UBE2QL1: variants seen among roughly 807,000 people sequenced by gnomAD.
UBE2QL1 encodes ubiquitin conjugating enzyme E2 QL1, also known as ubiquitin-conjugating enzyme E2Q-like protein 1.
UBE2QL1 carries 5 observed loss-of-function variants against 12.6 expected under a neutral mutation model. That is an observed-to-expected ratio of 0.40 (90% CI 0.21 to 0.83). The LOEUF is 0.83. Ranked by LOEUF, UBE2QL1 falls within the 40% of genes least tolerant of loss-of-function variation. The probability of loss-of-function intolerance (pLI) is 0.37; values close to 1 mark genes in which losing one functional copy is unlikely to be tolerated. For synonymous variants in UBE2QL1, 96 were observed against 94.5 expected (o/e 1.02, Z -0.10); for missense variants, 99 against 222.6 (o/e 0.44, Z 3.53).
At position 6,493,554 on chromosome 5, in the gene UBE2QL1, C is replaced by T. The variant is rs1734617641; in HGVS notation, c.*2205C>T. 1 of 152,200 alleles carries T rather than the reference C, an allele frequency of 6.6e-6. No individual in the cohort carries two copies. Among genetic ancestry groups the T allele is most frequent in the Non-Finnish European group, 1.5e-5 (1 of 68,036 alleles). 9.4% of individuals were successfully genotyped at this position (152,200 alleles called of 1,614,324 possible). On this transcript the variant is annotated 3_prime_UTR_variant, in exon 2 of 2. Transcript: ENST00000399816. Reference sequence around the variant, plus strand: ...CAGCCGGCGACAGAGCAGAGAGACACTCAGCTCAGTGTCGCTCCTTCCATA... The same window carrying T: ...CAGCCGGCGACAGAGCAGAGAGACATTCAGCTCAGTGTCGCTCCTTCCATA...
At chr5:6,488,410 G>A (rs1734504709) in intron 1 of UBE2QL1, among the ~76,000 whole-genome samples, 1 of 150,960 alleles carries the variant, frequency 6.6e-6, no homozygotes, top group Non-Finnish European at 1.5e-5. Context: ...TAGATTTTCA[G>A]TATTGTGGAG....
At chr5:6,474,294 G>A (rs910127693) in intron 1 of UBE2QL1, among the ~76,000 whole-genome samples, 4 of 152,254 alleles carry the variant, frequency 2.6e-5, no homozygotes, top group African/African-American at 7.2e-5. Context: ...CCAGGAGTAC[G>A]TGCATGGCAT....
chr5:6,461,946 G>T (rs913489341), intron 1 of UBE2QL1, among the ~76,000 whole-genome samples: 1 of 152,088 alleles, frequency 6.6e-6, no homozygotes, highest in African/African-American at 2.4e-5. Context: ...CTCAGCCCTC[G>T]GCGTCCCCAG....
In UBE2QL1 at chr5:6,449,196, C is replaced by A; in HGVS notation, c.303C>A (p.Tyr101Ter). 1 of 1,497,564 alleles carries A rather than the reference C, an allele frequency of 6.7e-7. No homozygotes were observed. The highest frequency in any genetic ancestry group is 1.3e-5 in the South Asian group (1 of 79,848). 92.8% of individuals were successfully genotyped at this position (1,497,564 alleles called of 1,614,324 possible). A position where few individuals can be genotyped will look rare whatever the true frequency, so the allele number is the denominator to read the frequency against. ...CGCCGCGCGGCTGGTCCAGCGCCTA[C>A]ACCGTGGAGGCCGTCATGCGCCAGT... ...LLTPRGWSSA[Y>*]TVEAVMRQFA... Residue 101 changes from tyrosine (Y) to a stop codon, truncating the protein, a stop_gained, in exon 1 of 2, where the codon TAC (tyrosine) becomes TAA (stop). Transcript: ENST00000399816. LOFTEE classifies it high-confidence loss of function.
intron 1 of UBE2QL1, among the ~76,000 whole-genome samples, chr5:6,485,568 A>G (rs1734449581): frequency 6.6e-6 from 1 of 152,216 alleles, no homozygotes; most frequent in African/African-American, 2.4e-5. Context: ...ACACGTTTAC[A>G]ACCCATGTCA....
At chr5:6,456,852 C>A (rs1165765904) in intron 1 of UBE2QL1, among the ~76,000 whole-genome samples, 3 of 152,056 alleles carry the variant, frequency 2.0e-5, no homozygotes, top group Non-Finnish European at 4.4e-5. Context: ...GAAGAAGCTG[C>A]CCGACCTTGC....
rs530163684 is a variant in UBE2QL1 at position 6,459,578 on chromosome 5, A to G, written c.354+10331A>G. On this transcript the variant is annotated intron_variant, in intron 1 of 1. Transcript: ENST00000399816. ...TTTCGTTGCACAAAACAAAATGCATAGGATTTCAAAGGAAGCCAATTATAT... is the reference window on the plus strand; with the variant it reads ...TTTCGTTGCACAAAACAAAATGCATGGGATTTCAAAGGAAGCCAATTATAT... Among the ~76,000 whole-genome samples the G allele has an allele frequency of 4.6e-3, 694 of 152,348 alleles. 5 individuals carry two copies. The highest frequency in any genetic ancestry group is 7.4e-3 in the Non-Finnish European group (502 of 68,026).
chr5:6,491,560 A>G lies in UBE2QL1; in HGVS notation c.*211A>G, dbSNP rs191339192. 1.7e-5 allele frequency: 9 copies of G among 520,980 alleles called. No individual in the cohort carries two copies. In the East Asian group the frequency reaches 3.4e-4, roughly 20 times the overall value. The allele number at this position is 520,980 out of a possible 1,614,324, so 32.3% of individuals were successfully genotyped here. Reference sequence around the variant, plus strand: ...CGTTCGGATTATGTTTCGATTATAAATGAATGATCACCTCGAAGTCACTTT... The same window carrying G: ...CGTTCGGATTATGTTTCGATTATAAGTGAATGATCACCTCGAAGTCACTTT... On this transcript the variant is annotated 3_prime_UTR_variant, in exon 2 of 2. Transcript: ENST00000399816.
At chr5:6,470,390 A>G (rs995573841) in intron 1 of UBE2QL1, among the ~76,000 whole-genome samples, 1 of 152,206 alleles carries the variant, frequency 6.6e-6, no homozygotes, top group Non-Finnish European at 1.5e-5. Flanking sequence ...TAACCTGTAA[A>G]ACTCTTAAGA....
intron 1 of UBE2QL1, among the ~76,000 whole-genome samples, chr5:6,468,918 T>C (rs272485): frequency 0.48 from 72,874 of 152,082 alleles, 19,757 homozygotes; most frequent in South Asian, 0.62. Context: ...GACAAATTCA[T>C]TAAAATATCC....
At chr5:6,455,688 G>C (rs932682300) in intron 1 of UBE2QL1, among the ~76,000 whole-genome samples, 15 of 152,080 alleles carry the variant, frequency 9.9e-5, no homozygotes, top group Non-Finnish European at 1.9e-4. Context: ...TGGGCAGCCC[G>C]GGTTGGAAAA....
At chr5:6,485,256 G>A (rs1294557156) in intron 1 of UBE2QL1, among the ~76,000 whole-genome samples, 1 of 152,152 alleles carries the variant, frequency 6.6e-6, no homozygotes, top group African/African-American at 2.4e-5. Context: ...AGATCCAGCT[G>A]AAGTCCCCTG....
chr5:6,476,141 G>C lies in UBE2QL1; in HGVS notation c.355-15077G>C, dbSNP rs1021483971. ...TCTGGAAAGCTCAGGGAGCTTTCCA[G>C]TGGCACTGGGGCTCCCTTATTCCTA... On this transcript the variant is annotated intron_variant, in intron 1 of 1. Coordinates refer to ENST00000399816, the MANE Select transcript of UBE2QL1 (RefSeq NM_001145161.3). This position sits in a 1 kb window ranked among gnomAD's most constrained non-coding sequence, Gnocchi z 4.9. Among the ~76,000 whole-genome samples the C allele has an allele frequency of 6.6e-6, 1 of 152,036 alleles. No individual in the cohort carries two copies. Among genetic ancestry groups the C allele is most frequent in the African/African-American group, 2.4e-5 (1 of 41,410 alleles).
intron 1 of UBE2QL1, among the ~76,000 whole-genome samples, chr5:6,488,037 GA>G (rs913219427): frequency 3.2e-4 from 48 of 151,600 alleles, no homozygotes; most frequent in African/African-American, 7.0e-4. Context: ...ATGAACCTAT[GA>G]AAAAAAAACT....
chr5:6,455,535 T>C (rs1372668424), intron 1 of UBE2QL1, among the ~76,000 whole-genome samples: 1 of 152,072 alleles, frequency 6.6e-6, no homozygotes, highest in Non-Finnish European at 1.5e-5. Flanking sequence ...TGCCAGTGGT[T>C]CCCAACCCTG....
At chr5:6,449,505 C>T in intron 1 of UBE2QL1, among the ~76,000 whole-genome samples, 1 of 149,116 alleles carries the variant, frequency 6.7e-6, no homozygotes, top group East Asian at 1.9e-4. Context: ...TCTCTGGTAT[C>T]GGTCTCTGCC....
Position 6,481,416 on chromosome 5 carries a change from A to G in UBE2QL1, c.355-9802A>G, listed in dbSNP as rs981434452. Among the ~76,000 whole-genome samples the G allele has an allele frequency of 1.3e-5, 2 of 152,214 alleles. No individual in the cohort carries two copies. Among genetic ancestry groups the G allele is most frequent in the Admixed American group, 6.5e-5 (1 of 15,292 alleles). On this transcript the variant is annotated intron_variant, in intron 1 of 1. Transcript: ENST00000399816. This position sits in a 1 kb window ranked among gnomAD's most constrained non-coding sequence, Gnocchi z 4.5. ...TGACATGGGTGCAGCGGCTAGGTGC[A>G]GGGAGGGTGACCTGCTCACGGGCCT... is the stretch of plus-strand genomic sequence containing the variant.
rs558637498 is a variant in UBE2QL1, at chr5:6,478,897, G to A, written c.355-12321G>A. Among the ~76,000 whole-genome samples the A allele has an allele frequency of 3.9e-5, 6 of 152,180 alleles. No individual in the cohort carries two copies. Among genetic ancestry groups the A allele is most frequent in the East Asian group, 1.9e-4 (1 of 5,164 alleles). ...GAGACATGGAGAGTGGGTGCCCATC[G>A]GTGCATCTGATCTCCCTGGCACCCC... On this transcript the variant is annotated intron_variant, in intron 1 of 1. Transcript: ENST00000399816. This position sits in a 1 kb window ranked among gnomAD's most constrained non-coding sequence, Gnocchi z 4.5.
At chr5:6,489,029 G>A (rs1734516977) in intron 1 of UBE2QL1, among the ~76,000 whole-genome samples, 1 of 152,158 alleles carries the variant, frequency 6.6e-6, no homozygotes, top group African/African-American at 2.4e-5. Context: ...TCCTAGTGAG[G>A]CATGGGGATG....
Sources: gnomAD v4.1 joint callset for allele counts (sites outside exome capture counted in the v4.1 genomes callset) on GRCh38, gnomAD v4.1.1 for gene constraint, Gnocchi (gnomAD v3.1) non-coding constraint, MANE v1.5 for transcripts, NCBI Gene and HGNC (gene_info 2026-07-23, HGNC 2026-07-21) for gene names.